GDA: variants seen among roughly 807,000 people sequenced by gnomAD.
GDA encodes the protein cytoplasmic PSD-95 interactor.
GDA carries 18 observed loss-of-function variants against 59.6 expected under a neutral mutation model. The ratio of observed to expected loss-of-function variants is 0.30; its 90% CI spans 0.21 to 0.45. GDA has a LOEUF of 0.45. Among genes scored for constraint, GDA ranks in the 20% least tolerant of loss-of-function variants. The pLI is 1.00. For synonymous variants in GDA, 201 were observed against 201.1 expected (o/e 1.00, Z 0.00); for missense variants, 427 against 552.3 (o/e 0.77, Z 2.27).
At chr9:72,121,318 C>T (rs1180168381) in intron 1 of GDA, among the ~76,000 whole-genome samples, 1 of 152,068 alleles carries the variant, frequency 6.6e-6, no homozygotes, top group Non-Finnish European at 1.5e-5. Flanking sequence ...TCTATCTTGG[C>T]TGGGCGCAGT....
At chr9:72,184,171 A>T (rs1831593683) in intron 1 of GDA, among the ~76,000 whole-genome samples, 1 of 152,114 alleles carries the variant, frequency 6.6e-6, no homozygotes, top group African/African-American at 2.4e-5. Flanking sequence ...CCCCACCAGA[A>T]TGCTACATTT....
chr9:72,192,577 A>C (rs552462744), intron 1 of GDA, among the ~76,000 whole-genome samples: 1 of 150,448 alleles, frequency 6.6e-6, no homozygotes, highest in African/African-American at 2.4e-5. Flanking sequence ...CTGCTTGATC[A>C]ATTCTACTAT....
chr9:72,200,025 T>G lies in GDA; in HGVS notation c.213-2546T>G, dbSNP rs530175491. 2.1e-4 allele frequency among the ~76,000 whole-genome samples: 28 copies of G among 135,358 alleles called. No individual in the cohort carries two copies. The South Asian group carries it at 2.3e-3, about 11-fold the overall frequency. 88.8% of individuals were successfully genotyped at this position (135,358 alleles called of 152,430 possible). On this transcript the variant is annotated intron_variant, in intron 2 of 13. Coordinates refer to ENST00000358399, the MANE Select transcript of GDA (RefSeq NM_004293.5). ...TTTTTTTTTTTTTTTTGAGATGGAG[T>G]CTCGCTCTGTCACCCAGGCTGGAGT... is the stretch of plus-strand genomic sequence containing the variant.
At chr9:72,206,027 A>G (rs1456774765) in intron 3 of GDA, among the ~76,000 whole-genome samples, 3 of 152,212 alleles carry the variant, frequency 2.0e-5, no homozygotes, top group African/African-American at 4.8e-5. Context: ...AAATTTAGAA[A>G]AATTTAGATT....
At chr9:72,258,618 T>C (rs528387838), downstream of GDA, among the ~76,000 whole-genome samples, 7 of 152,350 alleles carry the variant, frequency 4.6e-5, no homozygotes, top group African/African-American at 1.7e-4. Flanking sequence ...CTAATTCAGT[T>C]ATTGAAATCC....
intron 2 of GDA, among the ~76,000 whole-genome samples, chr9:72,197,163 A>T (rs1833299581): frequency 1.3e-5 from 2 of 152,176 alleles, no homozygotes; most frequent in African/African-American, 4.8e-5. Flanking sequence ...CAAGCAAGCC[A>T]CTTTCCCTCT....
At position 72,251,532 on chromosome 9, in the gene GDA, C is replaced by G. The variant is rs1215236420; in HGVS notation, c.*3190C>G. 1 of 152,142 alleles carries G rather than the reference C, an allele frequency of 6.6e-6. No individual in the cohort carries two copies. The allele number at this position is 152,142 out of a possible 1,614,324, so 9.4% of individuals were successfully genotyped here. The stretch of plus-strand genomic sequence containing the variant: ...AGTTGATGATTGCTGGAAACATTCA[C>G]ACGCTTAAAAGCAATGGTGTGAGTT... On this transcript the variant is annotated 3_prime_UTR_variant, in exon 14 of 14. Transcript: ENST00000358399.
intron 1 of GDA, among the ~76,000 whole-genome samples, chr9:72,131,305 G>A (rs751755483): frequency 3.9e-5 from 6 of 152,148 alleles, no homozygotes; most frequent in Non-Finnish European, 5.9e-5. Context: ...CACGGACACA[G>A]GGAAGGGCAC....
intron 1 of GDA, among the ~76,000 whole-genome samples, chr9:72,115,798 C>G (rs1825416565): frequency 6.6e-6 from 1 of 152,142 alleles, no homozygotes; most frequent in South Asian, 2.1e-4. Context: ...AAATGAGAAA[C>G]TTGTACAAAT....
rs767369489 is a variant in GDA at position 72,210,764 on chromosome 9, C to T, written c.462C>T (p.Ala154=). ...TIHTDSSLLL[A]DITDKFGQRA... ...ACACTGACTCATCTCTGCTCCTTGC[C>T]GACATTACAGGTGAGCAAATGAAGC... Residue 154 remains alanine (A), a synonymous_variant, in exon 4 of 14, where the codon GCC becomes GCT. Coordinates refer to ENST00000358399, the MANE Select transcript of GDA (RefSeq NM_004293.5). 1.2e-5 allele frequency: 19 copies of T among 1,603,014 alleles called. No homozygotes were observed. Among genetic ancestry groups the T allele is most frequent in the East Asian group, 4.5e-5 (2 of 44,822 alleles).
At chr9:72,256,680 G>T (rs1444064153), downstream of GDA, among the ~76,000 whole-genome samples, 2 of 152,230 alleles carry the variant, frequency 1.3e-5, no homozygotes, top group Non-Finnish European at 2.9e-5. Context: ...TGAAGTGGAT[G>T]AATCCAGTCT....
At chr9:72,133,600 C>G (rs2130624095) in intron 1 of GDA, among the ~76,000 whole-genome samples, 1 of 152,306 alleles carries the variant, frequency 6.6e-6, no homozygotes, top group Non-Finnish European at 1.5e-5. Flanking sequence ...TCATTTGTTG[C>G]AAAATGCCAC....
intron 9 of GDA, 127 bp downstream of exon 9, chr9:72,228,167 T>C (rs1837846598): frequency 3.1e-6 from 2 of 655,242 alleles, no homozygotes; most frequent in Middle Eastern, 7.9e-4. Context: ...AGGACCCAGA[T>C]AGATAGACAT....
chr9:72,238,072 T>C (rs1007895447), intron 10 of GDA, among the ~76,000 whole-genome samples: 2 of 152,146 alleles, frequency 1.3e-5, no homozygotes, highest in Non-Finnish European at 2.9e-5. Context: ...GTAAGGCTCA[T>C]TACAAGGCCC....
chr9:72,237,189 C>G (rs1425764887), intron 10 of GDA, among the ~76,000 whole-genome samples: 1 of 152,184 alleles, frequency 6.6e-6, no homozygotes, highest in Non-Finnish European at 1.5e-5. Flanking sequence ...GCACCACTTT[C>G]TAGGCCCTTT....
intron 1 of GDA, among the ~76,000 whole-genome samples, chr9:72,182,582 G>T (rs1166022616): frequency 6.6e-6 from 1 of 152,166 alleles, no homozygotes; most frequent in East Asian, 1.9e-4. Context: ...CTGAGGTGGT[G>T]TGGGCCAGCT....
chr9:72,126,181 G>T (rs1374425145), intron 1 of GDA, among the ~76,000 whole-genome samples: 1 of 152,122 alleles, frequency 6.6e-6, no homozygotes, highest in Non-Finnish European at 1.5e-5. Context: ...GATTACGGAC[G>T]TGAGCCACTG....
chr9:72,236,218 C>G (rs1194760490), intron 10 of GDA, among the ~76,000 whole-genome samples: 2 of 152,182 alleles, frequency 1.3e-5, no homozygotes, highest in East Asian at 3.8e-4. Flanking sequence ...CAAAAGTCCC[C>G]TTCTCAGTGC....
chr9:72,258,878 C>G (rs1840912102), downstream of GDA, among the ~76,000 whole-genome samples: 1 of 152,176 alleles, frequency 6.6e-6, no homozygotes, highest in African/African-American at 2.4e-5. Context: ...CTTGTGGGCA[C>G]AGAATGGGTA....
Sources: gnomAD v4.1 joint callset for allele counts (sites outside exome capture counted in the v4.1 genomes callset) on GRCh38, gnomAD v4.1.1 for gene constraint, MANE v1.5 for transcripts, NCBI Gene and HGNC (gene_info 2026-07-23, HGNC 2026-07-21) for gene names.